NPAS3: variants seen among roughly 807,000 people sequenced by gnomAD.
The protein encoded by NPAS3 is neuronal PAS domain-containing protein 3.
In NPAS3, 14 loss-of-function variants were observed where a neutral mutation model predicts 73.1. The observed-to-expected ratio is 0.19, with a 90% CI of 0.13 to 0.30. NPAS3 has a LOEUF of 0.30. NPAS3 is among the 10% of genes least tolerant of loss of function. The probability of loss-of-function intolerance (pLI) is 1.00; values close to 1 mark genes in which losing one functional copy is unlikely to be tolerated. For missense variants in NPAS3, 1,096 were observed against 1,250.0 expected, an observed-to-expected ratio of 0.88 and a Z score of 1.86; for synonymous variants, 620 against 541.5, an observed-to-expected ratio of 1.14 and a Z score of -2.01.
At chr14:33,412,504 C>G (rs973623938) in intron 4 of NPAS3, among the ~76,000 whole-genome samples, 1 of 152,144 alleles carries the variant, frequency 6.6e-6, no homozygotes, top group East Asian at 1.9e-4. Flanking sequence ...GCAATATTCC[C>G]TTTGACCCAA....
intron 4 of NPAS3, among the ~76,000 whole-genome samples, chr14:33,468,717 A>AT (rs112239073): frequency 0.012 from 1,806 of 152,216 alleles, 37 homozygotes; most frequent in African/African-American, 0.042. Flanking sequence ...GTCATCGTTC[A>AT]TTTTTTCCCT....
chr14:32,942,946 A>C (rs112812184), intron 1 of NPAS3, among the ~76,000 whole-genome samples: 1 of 152,240 alleles, frequency 6.6e-6, no homozygotes, highest in African/African-American at 2.4e-5. Flanking sequence ...GCATGGGCAT[A>C]TCATGATCCA....
intron 4 of NPAS3, among the ~76,000 whole-genome samples, chr14:33,426,198 G>T (rs759277008): frequency 5.9e-5 from 9 of 152,028 alleles, no homozygotes; most frequent in Non-Finnish European, 1.2e-4. Context: ...AGAGATTCAT[G>T]AACTCAGATT....
chr14:33,695,167 T>C (rs2060341711), intron 6 of NPAS3, among the ~76,000 whole-genome samples: 1 of 152,186 alleles, frequency 6.6e-6, no homozygotes, highest in Non-Finnish European at 1.5e-5. Context: ...TTTCAGATGG[T>C]CACCCTTGAG....
At chr14:33,609,524 T>C (rs1044184398) in intron 5 of NPAS3, among the ~76,000 whole-genome samples, 15 of 150,448 alleles carry the variant, frequency 1.0e-4, no homozygotes, top group Admixed American at 4.7e-4. Flanking sequence ...GGTAACCAGA[T>C]TTTTGTTCCC....
In NPAS3 at chr14:33,380,369, A is replaced by G. The variant is rs536595465; in HGVS notation, c.468+13101A>G. On this transcript the variant is annotated intron_variant, in intron 4 of 11. Coordinates refer to ENST00000356141, the Ensembl canonical transcript of NPAS3. ...GCTTGGGGGAGGAGGGGTGCAGGGT[A>G]TAGGACTCGCTACTATCTTCTGTCA... is the stretch of plus-strand genomic sequence containing the variant. Among the ~76,000 whole-genome samples the G allele has an allele frequency of 3.9e-5, 6 of 152,232 alleles. No homozygotes were observed. The South Asian group carries it at 1.0e-3, about 26-fold the overall frequency.
chr14:33,458,035 T>A (rs2050099765), intron 4 of NPAS3, among the ~76,000 whole-genome samples: 1 of 152,208 alleles, frequency 6.6e-6, no homozygotes, highest in Admixed American at 6.5e-5. Flanking sequence ...GACAATACTT[T>A]CAAGGACATA....
At chr14:33,493,224 T>G (rs2051991585) in intron 4 of NPAS3, among the ~76,000 whole-genome samples, 2 of 152,264 alleles carry the variant, frequency 1.3e-5, no homozygotes, top group South Asian at 4.1e-4. Context: ...ATTTGCTTTC[T>G]TTTGCTCTCT....
At chr14:33,509,574 G>A (rs867981847) in intron 4 of NPAS3, among the ~76,000 whole-genome samples, 6 of 152,134 alleles carry the variant, frequency 3.9e-5, no homozygotes, top group Middle Eastern at 6.8e-3. Flanking sequence ...TAGAGATTCA[G>A]ACTGGAATGA....
At chr14:33,734,843 C>T (rs2061484456) in intron 6 of NPAS3, among the ~76,000 whole-genome samples, 1 of 152,066 alleles carries the variant, frequency 6.6e-6, no homozygotes, top group African/African-American at 2.4e-5. Flanking sequence ...AGCATCTCTG[C>T]CTGTACCTTA....
chr14:33,164,841 T>A (rs74696451), intron 2 of NPAS3, among the ~76,000 whole-genome samples: 4 of 119,560 alleles, frequency 3.3e-5, no homozygotes, highest in African/African-American at 8.6e-5. Context: ...AGGTGACTCT[T>A]TTTTTTTTTT....
At chr14:33,205,946 G>A (rs536669318) in intron 2 of NPAS3, among the ~76,000 whole-genome samples, 6 of 152,234 alleles carry the variant, frequency 3.9e-5, no homozygotes, top group South Asian at 2.1e-4. Flanking sequence ...TAGAAAGGTC[G>A]TTTGAATTTG....
In NPAS3 at chr14:33,541,523, G is replaced by A. The variant is rs116079256; in HGVS notation, c.469-18598G>A. 3.8e-3 allele frequency among the ~76,000 whole-genome samples: 578 copies of A among 152,252 alleles called. 4 individuals carry two copies. Among genetic ancestry groups the A allele is most frequent in the African/African-American group, 0.013 (532 of 41,536 alleles). On this transcript the variant is annotated intron_variant, in intron 4 of 11. Coordinates refer to ENST00000356141, the Ensembl canonical transcript of NPAS3. ...AACCATCCCTGATCACTGCCCACAG[G>A]TTACACTTTTCTTAGCTTCACGCAT...
intron 4 of NPAS3, among the ~76,000 whole-genome samples, chr14:33,546,831 C>A (rs895260893): frequency 6.6e-6 from 1 of 152,180 alleles, no homozygotes. Flanking sequence ...TAGTCACTAG[C>A]TCATGTGAAA....
chr14:33,537,699 C>G (rs140980122), intron 4 of NPAS3, among the ~76,000 whole-genome samples: 4 of 152,250 alleles, frequency 2.6e-5, no homozygotes, highest in Admixed American at 1.3e-4. Flanking sequence ...ATACCCAACC[C>G]CTAGAGCTCC....
chr14:33,086,534 A>C (rs528218745), intron 2 of NPAS3, among the ~76,000 whole-genome samples: 4 of 152,192 alleles, frequency 2.6e-5, no homozygotes, highest in Non-Finnish European at 5.9e-5. Flanking sequence ...AAGCGGCAGA[A>C]TTTAACAGGA....
chr14:33,346,905 C>G (rs2044764407), intron 3 of NPAS3, among the ~76,000 whole-genome samples: 1 of 152,168 alleles, frequency 6.6e-6, no homozygotes, highest in African/African-American at 2.4e-5. Context: ...ACCCTTCCAT[C>G]AATGTTGCTG....
Position 33,752,675 on chromosome 14 carries a change from C to T in NPAS3, c.852+17343C>T, listed in dbSNP as rs371454445. 5.9e-5 allele frequency among the ~76,000 whole-genome samples: 9 copies of T among 152,156 alleles called. No individual in the cohort carries two copies. The East Asian group carries it at 9.6e-4, about 16-fold the overall frequency. The stretch of plus-strand genomic sequence containing the variant: ...GGGACCAAACTCACAGACGAGCTTT[C>T]GATCACTGGAGCAACCGCAGTCTAA... On this transcript the variant is annotated intron_variant, in intron 7 of 11. Transcript: ENST00000356141.
chr14:33,278,116 A>C (rs572586521), intron 3 of NPAS3, among the ~76,000 whole-genome samples: 1 of 152,284 alleles, frequency 6.6e-6, no homozygotes, highest in East Asian at 1.9e-4. Flanking sequence ...CAAGAAAGAC[A>C]AGGCTGTTTC....
Sources: gnomAD v4.1 joint callset for allele counts (sites outside exome capture counted in the v4.1 genomes callset) on GRCh38, gnomAD v4.1.1 for gene constraint, MANE v1.5 for transcripts, NCBI Gene and HGNC (gene_info 2026-07-23, HGNC 2026-07-21) for gene names.